Variants in NXPH2 observed in about 807,000 individuals in gnomAD.
NXPH2 encodes the protein neurexophilin-2.
In NXPH2, 5 loss-of-function variants were observed where a neutral mutation model predicts 19.8. That is an observed-to-expected ratio of 0.25 (90% CI 0.13 to 0.53). NXPH2 has a LOEUF of 0.53. Ranked by LOEUF, NXPH2 falls within the 20% of genes least tolerant of loss-of-function variation. The pLI, the probability that NXPH2 is intolerant of heterozygous loss-of-function variation, is 0.96. For synonymous variants in NXPH2, 154 were observed against 127.4 expected (o/e 1.21, Z -1.41); for missense variants, 289 against 322.8 (o/e 0.90, Z 0.80).
chr2:138,774,826 C>T (rs1682235243), intron 1 of NXPH2, among the ~76,000 whole-genome samples: 1 of 152,140 alleles, frequency 6.6e-6, no homozygotes, highest in East Asian at 1.9e-4. Context: ...AAATAGACTC[C>T]AAGTCTTTTG....
intron 1 of NXPH2, among the ~76,000 whole-genome samples, chr2:138,771,031 A>G (rs1031992281): frequency 2.0e-5 from 3 of 152,162 alleles, no homozygotes; most frequent in African/African-American, 7.2e-5. Context: ...ATGCACATAC[A>G]ATGTAATACC....
chr2:138,756,786 A>G (rs891015582), intron 1 of NXPH2, among the ~76,000 whole-genome samples: 2 of 152,204 alleles, frequency 1.3e-5, no homozygotes, highest in African/African-American at 4.8e-5. Flanking sequence ...TGACAGGGGA[A>G]TCAAAGCCAC....
chr2:138,770,654 AAAAT>A (rs1365709892), intron 1 of NXPH2, among the ~76,000 whole-genome samples: 39 of 152,194 alleles, frequency 2.6e-4, no homozygotes, highest in African/African-American at 8.7e-4. Context: ...TAAACATACA[AAAAT>A]AAATAGTTTT....
chr2:138,704,282 C>G (rs1219490916), intron 1 of NXPH2, among the ~76,000 whole-genome samples: 1 of 152,168 alleles, frequency 6.6e-6, no homozygotes, highest in Non-Finnish European at 1.5e-5. Context: ...AAGGTAATGA[C>G]TGACAGATAT....
intron 1 of NXPH2, among the ~76,000 whole-genome samples, chr2:138,697,395 G>C (rs72986898): frequency 0.076 from 11,491 of 151,968 alleles, 1,477 homozygotes; most frequent in African/African-American, 0.26. Flanking sequence ...TTATGTACTA[G>C]TCTGTTAATT....
chr2:138,747,384 G>C (rs1681755486), intron 1 of NXPH2, among the ~76,000 whole-genome samples: 1 of 152,120 alleles, frequency 6.6e-6, no homozygotes, highest in Non-Finnish European at 1.5e-5. Flanking sequence ...CTCATTCTGG[G>C]ACTGTGCTTT....
intron 1 of NXPH2, among the ~76,000 whole-genome samples, chr2:138,765,791 A>G (rs1682080161): frequency 6.6e-6 from 1 of 152,214 alleles, no homozygotes; most frequent in Non-Finnish European, 1.5e-5. Flanking sequence ...GAAGAGTGTA[A>G]TCCTACTATA....
chr2:138,755,505 C>A (rs151043024), intron 1 of NXPH2, among the ~76,000 whole-genome samples: 1,847 of 152,140 alleles, frequency 0.012, 20 homozygotes, highest in Middle Eastern at 0.051. Flanking sequence ...TTTCTTAGTT[C>A]TCTTTTTTGC....
In NXPH2 at chr2:138,777,431, C is replaced by T. The variant is rs368437401; in HGVS notation, c.51+2760G>A. ...GTCTGTTAAAAGCACTATACACAGGCCAGGAAAATGGGCAAGGACAGGTAA... is the reference window on the plus strand; with the variant it reads ...GTCTGTTAAAAGCACTATACACAGGTCAGGAAAATGGGCAAGGACAGGTAA... On this transcript the variant is annotated intron_variant, in intron 1 of 1. Coordinates refer to ENST00000272641, the MANE Select transcript of NXPH2 (RefSeq NM_007226.3). 9.2e-5 allele frequency among the ~76,000 whole-genome samples: 14 copies of T among 152,156 alleles called. No homozygotes were observed. The East Asian group carries it at 2.7e-3, about 29-fold the overall frequency.
rs528261221 is a variant in NXPH2 at position 138,736,223 on chromosome 2, C to T, written c.51+43968G>A. Among the ~76,000 whole-genome samples the T allele has an allele frequency of 6.8e-4, 104 of 152,324 alleles. 2 individuals carry two copies. The highest frequency in any genetic ancestry group is 1.2e-3 in the South Asian group (6 of 4,828). ...GTGTGGGGGCTCCTATCTCACACTT[C>T]CCTTCTGCACTTCCCCAGCAGAGGT... On this transcript the variant is annotated intron_variant, in intron 1 of 1. Transcript: ENST00000272641.
intron 1 of NXPH2, among the ~76,000 whole-genome samples, chr2:138,715,080 G>C (rs544673516): frequency 6.6e-6 from 1 of 152,094 alleles, no homozygotes; most frequent in Non-Finnish European, 1.5e-5. Flanking sequence ...TCAACTCTAG[G>C]TACTCTCATC....
intron 1 of NXPH2, among the ~76,000 whole-genome samples, chr2:138,726,771 T>C (rs980616992): frequency 1.3e-5 from 2 of 152,186 alleles, no homozygotes; most frequent in African/African-American, 2.4e-5. Context: ...TGACCCTACA[T>C]TGACACATCA....
chr2:138,764,594 AT>A (rs1454395839), intron 1 of NXPH2, among the ~76,000 whole-genome samples: 1 of 152,184 alleles, frequency 6.6e-6, no homozygotes, highest in African/African-American at 2.4e-5. Flanking sequence ...TAGCGCAAAT[AT>A]TTTCAAAAAA....
chr2:138,676,643 TA>T (rs1277942497), intron 1 of NXPH2, among the ~76,000 whole-genome samples: 1 of 152,196 alleles, frequency 6.6e-6, no homozygotes, highest in African/African-American at 2.4e-5. Flanking sequence ...CTGTAAGGAC[TA>T]AAAGAATGGA....
chr2:138,766,031 G>A (rs1682083759), intron 1 of NXPH2, among the ~76,000 whole-genome samples: 1 of 152,176 alleles, frequency 6.6e-6, no homozygotes, highest in Non-Finnish European at 1.5e-5. Context: ...ATGTGTGACA[G>A]TGTCTAGTAG....
At chr2:138,779,873 C>T (rs1682323289) in intron 1 of NXPH2, among the ~76,000 whole-genome samples, 1 of 152,136 alleles carries the variant, frequency 6.6e-6, no homozygotes. Flanking sequence ...AATTTACTTT[C>T]CTTCCTCTCC....
chr2:138,699,322 A>G (rs1429070250), intron 1 of NXPH2, among the ~76,000 whole-genome samples: 3 of 152,180 alleles, frequency 2.0e-5, no homozygotes, highest in Admixed American at 1.3e-4. Context: ...AGAAAAGAGC[A>G]AAGAGGAAGG....
At chr2:138,709,572 T>G (rs1312464210) in intron 1 of NXPH2, among the ~76,000 whole-genome samples, 1 of 152,074 alleles carries the variant, frequency 6.6e-6, no homozygotes, top group Non-Finnish European at 1.5e-5. Flanking sequence ...GGTTCACTCT[T>G]GCTGAATCCT....
intron 1 of NXPH2, among the ~76,000 whole-genome samples, chr2:138,689,749 T>C (rs1024615100): frequency 2.6e-5 from 4 of 152,132 alleles, no homozygotes; most frequent in Non-Finnish European, 4.4e-5. Context: ...CAGTGTGTTA[T>C]TGGGGAGGGA....
Sources: gnomAD v4.1 joint callset for allele counts (sites outside exome capture counted in the v4.1 genomes callset) on GRCh38, gnomAD v4.1.1 for gene constraint, MANE v1.5 for transcripts, NCBI Gene and HGNC (gene_info 2026-07-23, HGNC 2026-07-21) for gene names.